Variants in BBS9 observed in about 807,000 individuals in gnomAD.
The protein encoded by BBS9 is Bardet-Biedl syndrome 9.
A neutral mutation model predicts 117.7 loss-of-function variants in BBS9; 89 were observed. The observed-to-expected ratio is 0.76, with a 90% CI of 0.64 to 0.90. BBS9 has a LOEUF of 0.90. Ranked by LOEUF, BBS9 falls within the 40% of genes least tolerant of loss-of-function variation. The pLI is 0.00. For missense variants in BBS9, 982 were observed against 1,042.2 expected (o/e 0.94, Z 0.80); for synonymous variants, 379 against 370.9 (o/e 1.02, Z -0.25).
At chr7:33,633,498 G>A (rs1421287206) in intron 21 of BBS9, among the ~76,000 whole-genome samples, 3 of 142,276 alleles carry the variant, frequency 2.1e-5, no homozygotes, top group Non-Finnish European at 4.5e-5. Flanking sequence ...AGTTGGTAAA[G>A]TTAACTTTTT....
chr7:33,381,517 A>G (rs1825023722), intron 17 of BBS9, among the ~76,000 whole-genome samples: 1 of 152,160 alleles, frequency 6.6e-6, no homozygotes, highest in Non-Finnish European at 1.5e-5. Flanking sequence ...CTAGATTTAA[A>G]AGGTTCTTAT....
chr7:33,353,751 T>A (rs1819121673), intron 15 of BBS9, among the ~76,000 whole-genome samples: 1 of 152,090 alleles, frequency 6.6e-6, no homozygotes. Flanking sequence ...GTTTGGGTGA[T>A]GCCAACAATC....
intron 9 of BBS9, among the ~76,000 whole-genome samples, chr7:33,297,356 G>A (rs1029416773): frequency 6.6e-6 from 1 of 152,122 alleles, no homozygotes; most frequent in African/African-American, 2.4e-5. Context: ...CATGTGATAT[G>A]TACTTTAAAG....
intron 19 of BBS9, among the ~76,000 whole-genome samples, chr7:33,498,092 G>A (rs1844973199): frequency 6.6e-6 from 1 of 152,096 alleles, no homozygotes; most frequent in African/African-American, 2.4e-5. Flanking sequence ...GTTTGAGGGA[G>A]GTAAGGTAAC....
Position 33,152,818 on chromosome 7 carries a change from C to A in BBS9, c.230C>A (p.Pro77Gln). ...DLLLEVDLRD[P>Q]VLQVEVGKFV... ...CTTCTAGAAGTGGATCTACGAGATC[C>A]AGTACTTCAAGTGGAAGTAGGAAAG... The change falls in exon 3 of 23, where the codon CCA (proline) becomes CAA (glutamine). Residue 77 changes from proline (P) to glutamine (Q), a missense_variant. By Grantham distance (76) the Pro-to-Gln change is moderately conservative. Transcript: ENST00000242067. The A allele has an allele frequency of 6.2e-7, 1 of 1,613,904 alleles. No homozygotes were observed. The highest frequency in any genetic ancestry group is 8.5e-7 in the Non-Finnish European group (1 of 1,179,952).
intron 12 of BBS9, among the ~76,000 whole-genome samples, chr7:33,348,237 C>G (rs1817961243): frequency 6.6e-6 from 1 of 152,108 alleles, no homozygotes. Context: ...ATAAATGGAT[C>G]ATACAATATG....
intron 21 of BBS9, among the ~76,000 whole-genome samples, chr7:33,555,121 G>A (rs1239224342): frequency 6.6e-6 from 1 of 152,114 alleles, no homozygotes; most frequent in East Asian, 1.9e-4. Flanking sequence ...TAAGTATACA[G>A]AATATAGCCA....
intron 5 of BBS9, among the ~76,000 whole-genome samples, chr7:33,232,710 T>C (rs1792718253): frequency 6.6e-6 from 1 of 152,150 alleles, no homozygotes; most frequent in African/African-American, 2.4e-5. Context: ...AGTAACTTCT[T>C]ACATAACACA....
chr7:33,431,764 C>T (rs1052712894), intron 19 of BBS9, among the ~76,000 whole-genome samples: 6 of 152,094 alleles, frequency 3.9e-5, no homozygotes, highest in Non-Finnish European at 7.4e-5. Flanking sequence ...TATAGCAGCC[C>T]AAATGGACTA....
intron 2 of BBS9, among the ~76,000 whole-genome samples, chr7:33,149,731 T>C (rs1345101467): frequency 1.3e-5 from 2 of 152,232 alleles, no homozygotes; most frequent in Non-Finnish European, 2.9e-5. Flanking sequence ...CCATATTTAA[T>C]TGTAGCTTGA....
intron 19 of BBS9, among the ~76,000 whole-genome samples, chr7:33,443,388 A>C (rs1220210070): frequency 2.6e-5 from 4 of 152,178 alleles, no homozygotes; most frequent in Non-Finnish European, 5.9e-5. Flanking sequence ...GGATTCTCTT[A>C]AATCCAGATA....
At chr7:33,413,652 G>GT (rs1831506394) in intron 19 of BBS9, among the ~76,000 whole-genome samples, 1 of 151,634 alleles carries the variant, frequency 6.6e-6, no homozygotes. Context: ...ACAGTTGCGT[G>GT]TAAAAAAAAA....
At chr7:33,137,513 G>A (rs533829853) in intron 1 of BBS9, among the ~76,000 whole-genome samples, 1 of 152,212 alleles carries the variant, frequency 6.6e-6, no homozygotes, top group South Asian at 2.1e-4. Context: ...CAGTGTCTTC[G>A]CAGTGGCTGC....
chr7:33,215,656 C>A (rs1332396800), intron 5 of BBS9, among the ~76,000 whole-genome samples: 2 of 152,084 alleles, frequency 1.3e-5, no homozygotes, highest in African/African-American at 2.4e-5. Flanking sequence ...CACACACACA[C>A]AGGAATATTA....
intron 21 of BBS9, among the ~76,000 whole-genome samples, chr7:33,539,343 G>C (rs991185): frequency 0.5 from 76,040 of 151,954 alleles, 19,711 homozygotes; most frequent in South Asian, 0.6. Flanking sequence ...GCCCTCCCAT[G>C]TTATGGCTAC....
At chr7:33,339,402 T>TA (rs1240039959) in intron 10 of BBS9, among the ~76,000 whole-genome samples, 1 of 152,168 alleles carries the variant, frequency 6.6e-6, no homozygotes, top group Non-Finnish European at 1.5e-5. Flanking sequence ...GGGCTTTAAG[T>TA]AAAGAAGAAT....
chr7:33,454,552 A>AAATC (rs1334521706), intron 19 of BBS9, among the ~76,000 whole-genome samples: 3 of 152,254 alleles, frequency 2.0e-5, no homozygotes, highest in African/African-American at 7.2e-5. Context: ...AGAAGGATTA[A>AAATC]GTGGCTTAGG....
At chr7:33,511,644 T>G (rs1041059340) in intron 20 of BBS9, among the ~76,000 whole-genome samples, 1 of 152,222 alleles carries the variant, frequency 6.6e-6, no homozygotes, top group African/African-American at 2.4e-5. Context: ...GATGGAAATT[T>G]ACATCAGTGG....
chr7:33,385,553 A>G (rs1825856703), intron 18 of BBS9, among the ~76,000 whole-genome samples: 1 of 152,204 alleles, frequency 6.6e-6, no homozygotes, highest in Non-Finnish European at 1.5e-5. Context: ...ATGTGAAAAC[A>G]TTTCAATCAC....
Sources: allele counts gnomAD v4.1 joint callset (sites outside exome capture counted in the v4.1 genomes callset), GRCh38; gene constraint gnomAD v4.1.1; transcripts MANE v1.5; gene names NCBI Gene and HGNC (gene_info 2026-07-23, HGNC 2026-07-21).